DGKI: variants seen among roughly 807,000 people sequenced by gnomAD.
The protein encoded by DGKI is DAG kinase iota.
A neutral mutation model predicts 147.5 loss-of-function variants in DGKI; 55 were observed. The ratio of observed to expected loss-of-function variants is 0.37; its 90% confidence interval spans 0.30 to 0.47. The LOEUF (loss-of-function observed/expected upper bound fraction) is 0.47, where lower values mean the gene tolerates loss of function less well. DGKI is among the 20% of genes least tolerant of loss of function. DGKI has a pLI of 1.00. For synonymous variants in DGKI, 469 were observed against 477.1 expected, an observed-to-expected ratio of 0.98 and a Z score of 0.22; for missense variants, 1,007 against 1,323.8, an observed-to-expected ratio of 0.76 and a Z score of 3.71.
intron 1 of DGKI, among the ~76,000 whole-genome samples, chr7:137,783,331 C>T (rs1016336904): frequency 6.6e-6 from 1 of 152,110 alleles, no homozygotes; most frequent in Admixed American, 6.5e-5. Flanking sequence ...ATGCAAAATG[C>T]ACTAGAAAGT....
At chr7:137,631,662 C>A (rs6977795) in intron 6 of DGKI, among the ~76,000 whole-genome samples, 6,942 of 152,082 alleles carry the variant, frequency 0.046, 507 homozygotes, top group African/African-American at 0.16. Context: ...CTAATCTATA[C>A]TAGAGGATTT....
chr7:137,430,892 G>C (rs1030100365), intron 28 of DGKI, among the ~76,000 whole-genome samples: 1 of 152,052 alleles, frequency 6.6e-6, no homozygotes, highest in Non-Finnish European at 1.5e-5. Context: ...ACCCCATTCA[G>C]GACTCAGAGG....
chr7:137,714,794 C>T (rs1794327558), intron 1 of DGKI, among the ~76,000 whole-genome samples: 1 of 152,216 alleles, frequency 6.6e-6, no homozygotes, highest in African/African-American at 2.4e-5. Context: ...CCATTATCTT[C>T]AACCTAGATG....
intron 6 of DGKI, 99 bp downstream of exon 6, chr7:137,645,373 G>A (rs577730723): frequency 2.5e-5 from 24 of 957,102 alleles, no homozygotes; most frequent in Non-Finnish European, 3.8e-5. Context: ...AGGAACTGAT[G>A]CAGTGAACAC....
At chr7:137,404,473 T>C (rs569272783) in intron 30 of DGKI, among the ~76,000 whole-genome samples, 1 of 152,332 alleles carries the variant, frequency 6.6e-6, no homozygotes, top group African/African-American at 2.4e-5. Flanking sequence ...GTGTTAAAAA[T>C]TGCCATCCAT....
chr7:137,699,254 G>A (rs1362979979), intron 1 of DGKI, among the ~76,000 whole-genome samples: 2 of 152,144 alleles, frequency 1.3e-5, no homozygotes, highest in African/African-American at 2.4e-5. Context: ...CTCTCAAAAG[G>A]CCCCACTTCC....
intron 1 of DGKI, among the ~76,000 whole-genome samples, chr7:137,772,596 G>A (rs902499285): frequency 5.3e-5 from 8 of 152,036 alleles, no homozygotes; most frequent in Non-Finnish European, 8.8e-5. Flanking sequence ...GCAACCATTC[G>A]TAACTATGAG....
chr7:137,716,289 A>T (rs978733479), intron 1 of DGKI, among the ~76,000 whole-genome samples: 8 of 152,212 alleles, frequency 5.3e-5, no homozygotes, highest in African/African-American at 1.9e-4. Context: ...GAAAAGACTC[A>T]TTGTCAGAAT....
chr7:137,723,581 G>A (rs1426848610), intron 1 of DGKI, among the ~76,000 whole-genome samples: 3 of 151,638 alleles, frequency 2.0e-5, no homozygotes, highest in African/African-American at 7.3e-5. Flanking sequence ...CCTGGGAGAC[G>A]AGTCAAACAA....
At chr7:137,676,932 G>A (rs1393698820) in intron 3 of DGKI, among the ~76,000 whole-genome samples, 3 of 152,176 alleles carry the variant, frequency 2.0e-5, no homozygotes. Context: ...GGATGACTCT[G>A]TATAAAATCA....
At position 137,619,857 on chromosome 7, in the gene DGKI, C is replaced by T. The variant is rs199577075; in HGVS notation, c.960G>A (p.Pro320=). 31 of 1,613,686 alleles carry T rather than the reference C, an allele frequency of 1.9e-5. No homozygotes were observed. Among genetic ancestry groups the T allele is most frequent in the African/African-American group, 4.0e-5 (3 of 74,952 alleles). The part of the protein sequence containing the change: ...SLGAHAAVIV[P]PTWIIKVKKP... ...TCTTCACCTTAATGATCCAAGTGGGCGGGACAATAACAGCAGCATGAGCCC... is the reference window on the plus strand; with the variant it reads ...TCTTCACCTTAATGATCCAAGTGGGTGGGACAATAACAGCAGCATGAGCCC... The change falls in exon 8 of 33, where the codon CCG becomes CCA. Residue 320 remains proline (P), a synonymous_variant. Coordinates refer to ENST00000614521, the MANE Select transcript of DGKI (RefSeq NM_001321708.2).
intron 23 of DGKI, among the ~76,000 whole-genome samples, chr7:137,478,069 T>C (rs895403441): frequency 2.0e-5 from 3 of 152,134 alleles, no homozygotes; most frequent in Non-Finnish European, 2.9e-5. Context: ...AAGGTCTACA[T>C]TGGGTGGAGA....
intron 1 of DGKI, among the ~76,000 whole-genome samples, chr7:137,763,294 C>T (rs1251384086): frequency 6.6e-6 from 1 of 152,236 alleles, no homozygotes; most frequent in Non-Finnish European, 1.5e-5. Flanking sequence ...AGTTTATATG[C>T]ACCAGCCTTG....
intron 1 of DGKI, among the ~76,000 whole-genome samples, chr7:137,723,692 G>A (rs1368631356): frequency 7.3e-6 from 1 of 137,214 alleles, no homozygotes; most frequent in Non-Finnish European, 1.6e-5. Context: ...AAGGTATCAT[G>A]ATATCCCTTT....
intron 21 of DGKI, among the ~76,000 whole-genome samples, chr7:137,508,783 G>C (rs1422954378): frequency 6.6e-6 from 1 of 151,938 alleles, no homozygotes. Context: ...ATAATTATTG[G>C]TAATAAGAGA....
At chr7:137,443,983 T>C in intron 28 of DGKI, 94 bp downstream of exon 28, 1 of 1,047,466 alleles carries the variant, frequency 9.5e-7, no homozygotes, top group Non-Finnish European at 1.4e-6. Context: ...TAGAGACATT[T>C]GCTTAAACAA....
intron 24 of DGKI, among the ~76,000 whole-genome samples, chr7:137,468,318 T>C (rs889663215): frequency 8.3e-6 from 1 of 119,794 alleles, no homozygotes; most frequent in Non-Finnish European, 1.8e-5. Flanking sequence ...ATTAAAACTA[T>C]GGAGTAAAAC....
At chr7:137,806,136 G>A (rs779492376) in intron 1 of DGKI, among the ~76,000 whole-genome samples, 1 of 152,178 alleles carries the variant, frequency 6.6e-6, no homozygotes, top group Non-Finnish European at 1.5e-5. Flanking sequence ...GTAGATGAAG[G>A]TCCCCACCTG....
At chr7:137,632,702 CAA>C (rs1157392446) in intron 6 of DGKI, among the ~76,000 whole-genome samples, 3 of 151,634 alleles carry the variant, frequency 2.0e-5, no homozygotes, top group Non-Finnish European at 4.4e-5. Context: ...ACTAAAAATA[CAA>C]AAAAATTAGC....
Sources: gnomAD v4.1 joint callset for allele counts (sites outside exome capture counted in the v4.1 genomes callset) on GRCh38, gnomAD v4.1.1 for gene constraint, MANE v1.5 for transcripts, NCBI Gene and HGNC (gene_info 2026-07-23, HGNC 2026-07-21) for gene names.